PLXNA2: variants seen among roughly 807,000 people sequenced by gnomAD.
The protein encoded by PLXNA2 is plexin A2, also known as plexin-A2.
Under a neutral mutation model 193.5 loss-of-function variants are expected in PLXNA2, and 91 were observed. The observed-to-expected ratio is 0.47, with a 90% confidence interval of 0.40 to 0.56. The LOEUF is 0.56. PLXNA2 is among the 20% of genes least tolerant of loss of function. The pLI, the probability that PLXNA2 is intolerant of heterozygous loss-of-function variation, is 0.00. For missense variants in PLXNA2, 1,995 were observed against 2,503.2 expected (o/e 0.80, Z 4.33); for synonymous variants, 997 against 1,027.3 (o/e 0.97, Z 0.56).
chr1:208,229,898 C>T (rs941206784), intron 1 of PLXNA2, among the ~76,000 whole-genome samples: 2 of 152,304 alleles, frequency 1.3e-5, no homozygotes, highest in African/African-American at 2.4e-5. Flanking sequence ...AGGTCAAACT[C>T]GCAGCGCTGG....
intron 3 of PLXNA2, among the ~76,000 whole-genome samples, chr1:208,195,724 C>T (rs1345294370): frequency 1.3e-5 from 2 of 151,952 alleles, no homozygotes; most frequent in African/African-American, 4.8e-5. Flanking sequence ...CACAGACTGG[C>T]TGCAGCCCAG....
intron 12 of PLXNA2, 92 bp from the exon 13 acceptor site, chr1:208,060,929 C>G: frequency 8.8e-7 from 1 of 1,133,260 alleles, no homozygotes; most frequent in Non-Finnish European, 1.3e-6. Context: ...GTTTAAGAAC[C>G]TCCATAGGTT....
In PLXNA2 at chr1:208,023,121, A is replaced by G. The variant is rs544609168; in HGVS notation, c.*4122T>C. On this transcript the variant is annotated 3_prime_UTR_variant, in exon 32 of 32. Transcript: ENST00000367033. ...AAGGCGTCGGAAGGCCCTGAAGTTC[A>G]TCTCCCAAGTTCCCCGTCGATCTGC... The G allele has an allele frequency of 6.6e-6, 1 of 152,186 alleles. No individual in the cohort carries two copies. Among genetic ancestry groups the G allele is most frequent in the Non-Finnish European group, 1.5e-5 (1 of 68,046 alleles). 9.4% of individuals were successfully genotyped at this position (152,186 alleles called of 1,614,324 possible). A position where few individuals can be genotyped will look rare whatever the true frequency, so the allele number is the denominator to read the frequency against.
intron 3 of PLXNA2, among the ~76,000 whole-genome samples, chr1:208,149,858 C>G (rs1429551652): frequency 6.6e-6 from 1 of 152,174 alleles, no homozygotes; most frequent in African/African-American, 2.4e-5. Flanking sequence ...TACACACACA[C>G]TCTCTCACAT....
chr1:208,229,460 A>G (rs749926557), intron 1 of PLXNA2, among the ~76,000 whole-genome samples: 10 of 152,034 alleles, frequency 6.6e-5, no homozygotes, highest in Non-Finnish European at 1.3e-4. Context: ...AGGTGTGCTC[A>G]TTTGCTTTTT....
intron 22 of PLXNA2, chr1:208,040,357 G>T: frequency 2.5e-6 from 1 of 402,508 alleles, no homozygotes; most frequent in Non-Finnish European, 4.5e-6. Flanking sequence ...GTGGATAAAG[G>T]CACCTCACTA....
chr1:208,193,923 A>G (rs1036119165), intron 3 of PLXNA2, among the ~76,000 whole-genome samples: 5 of 152,124 alleles, frequency 3.3e-5, no homozygotes, highest in African/African-American at 4.8e-5. Flanking sequence ...TGTAAAATAA[A>G]TAACGAAAAA....
chr1:208,027,103 G>GTCC lies in PLXNA2; in HGVS notation c.*137_*139dup. The stretch of plus-strand genomic sequence containing the variant: ...AAACTTGGCTGGCGTAGGGAGAGGA[G>GTCC]TCCTCCCCTCTCCCCAGGATGGGGT... On this transcript the variant is annotated 3_prime_UTR_variant, in exon 32 of 32. Coordinates refer to ENST00000367033, the MANE Select transcript of PLXNA2 (RefSeq NM_025179.4). The GTCC allele has an allele frequency of 1.3e-6, 1 of 760,422 alleles. No individual in the cohort carries two copies. The highest frequency in any genetic ancestry group is 2.2e-6 in the Non-Finnish European group (1 of 461,358). The allele number at this position is 760,422 out of a possible 1,614,324, so 47.1% of individuals were successfully genotyped here. A position where few individuals can be genotyped will look rare whatever the true frequency, so the allele number is the denominator to read the frequency against.
intron 15 of PLXNA2, 46 bp from the exon 16 acceptor site, chr1:208,051,469 C>A (rs1336448465): frequency 6.5e-7 from 1 of 1,546,844 alleles, no homozygotes; most frequent in Non-Finnish European, 8.8e-7. Context: ...GCATGGGCAA[C>A]AAGAGGTGCC....
rs940083895 is a variant in PLXNA2, at chr1:208,074,905, G to A, written c.2586+4355C>T. Among the ~76,000 whole-genome samples, 7 of 152,346 alleles carry A rather than the reference G, an allele frequency of 4.6e-5. No individual in the cohort carries two copies. The South Asian group carries it at 1.2e-3, about 27-fold the overall frequency. On this transcript the variant is annotated intron_variant, in intron 12 of 31. Transcript: ENST00000367033. Reference sequence around the variant, plus strand: ...ACCCATTCTGAAGATGAAGGCTGGGGACAAGGAGGTCTGCATCAAAGGGTA... The same window carrying A: ...ACCCATTCTGAAGATGAAGGCTGGGAACAAGGAGGTCTGCATCAAAGGGTA...
intron 9 of PLXNA2, among the ~76,000 whole-genome samples, chr1:208,090,479 C>G (rs921462599): frequency 3.3e-5 from 5 of 152,164 alleles, no homozygotes; most frequent in African/African-American, 1.2e-4. Flanking sequence ...TGAGAGGGAG[C>G]TGTATTTCAG....
At chr1:208,074,530 G>T (rs186346870) in intron 12 of PLXNA2, among the ~76,000 whole-genome samples, 1 of 152,204 alleles carries the variant, frequency 6.6e-6, no homozygotes, top group Non-Finnish European at 1.5e-5. Context: ...TGTACAACTT[G>T]TTCTACATGA....
intron 3 of PLXNA2, among the ~76,000 whole-genome samples, chr1:208,176,699 CT>C (rs1669672263): frequency 6.6e-6 from 1 of 152,212 alleles, no homozygotes; most frequent in South Asian, 2.1e-4. Context: ...GAACTAAAAG[CT>C]AAAACCTGGC....
rs750345311 is a variant in PLXNA2, at chr1:208,142,358, G to T, written c.1477C>A (p.Arg493Ser). Residue 493 changes from arginine to serine, a missense_variant, in exon 4 of 32, where the codon CGC becomes AGC. Transcript: ENST00000367033. Reference sequence around the variant, plus strand: ...CTCTCAGACATGACGTACAGGTAGCGCTGATCAATGGAGAAGGCCATGTCC... The same window carrying T: ...CTCTCAGACATGACGTACAGGTAGCTCTGATCAATGGAGAAGGCCATGTCC... ...LRDMAFSIDQ[R>S]YLYVMSERQV... 6.2e-7 allele frequency: 1 copy of T among 1,613,320 alleles called. No homozygotes were observed. The highest frequency in any genetic ancestry group is 8.5e-7 in the Non-Finnish European group (1 of 1,179,628).
chr1:208,219,377 G>T (rs1259665951), intron 1 of PLXNA2, among the ~76,000 whole-genome samples: 1 of 152,192 alleles, frequency 6.6e-6, no homozygotes, highest in Non-Finnish European at 1.5e-5. Context: ...CTTATGGAGA[G>T]GGACAGTGGG....
intron 12 of PLXNA2, among the ~76,000 whole-genome samples, chr1:208,062,655 C>A (rs991469765): frequency 6.6e-6 from 1 of 152,126 alleles, no homozygotes; most frequent in Non-Finnish European, 1.5e-5. Context: ...AAAATATCCC[C>A]CTTATGAATA....
rs1016294308 is a variant in PLXNA2 at position 208,025,842 on chromosome 1, G to A, written c.*1401C>T. 1 of 152,448 alleles carries A rather than the reference G, an allele frequency of 6.6e-6. No homozygotes were observed. The highest frequency in any genetic ancestry group is 1.5e-5 in the Non-Finnish European group (1 of 68,046). The allele number at this position is 152,448 out of a possible 1,614,324, so 9.4% of individuals were successfully genotyped here. A position where few individuals can be genotyped will look rare whatever the true frequency, so the allele number is the denominator to read the frequency against. On this transcript the variant is annotated 3_prime_UTR_variant, in exon 32 of 32. Transcript: ENST00000367033. ...AAGTCCAGTGAGAAGTCATCCACTT[G>A]TCCTTCACACTCACAAGTCCGTGAG...
At chr1:208,241,680 C>T (rs1297212951) in intron 1 of PLXNA2, among the ~76,000 whole-genome samples, 1 of 152,240 alleles carries the variant, frequency 6.6e-6, no homozygotes. Context: ...AGTTTGCCCC[C>T]ATCCTAATGC....
Position 208,054,493 on chromosome 1 carries a change from C to A in PLXNA2, c.2784G>T (p.Gly928=). 1 of 1,614,256 alleles carries A rather than the reference C, an allele frequency of 6.2e-7. No homozygotes were observed. Among genetic ancestry groups the A allele is most frequent in the Non-Finnish European group, 8.5e-7 (1 of 1,180,038 alleles). ...MGHALVGTTS[G]PVRLCIGECK... is the part of the protein sequence containing the mutation. ...ACTCGCCAATACACAGGCGTACTGG[C>A]CCGGAGGTGGTTCCCACGAGGGCAT... The change falls in exon 14 of 32, where the codon GGG becomes GGT. Residue 928 remains glycine (G), a synonymous_variant. Coordinates refer to ENST00000367033, the MANE Select transcript of PLXNA2 (RefSeq NM_025179.4).
Sources: gnomAD v4.1 joint callset for allele counts (sites outside exome capture counted in the v4.1 genomes callset) on GRCh38, gnomAD v4.1.1 for gene constraint, MANE v1.5 for transcripts, NCBI Gene and HGNC (gene_info 2026-07-23, HGNC 2026-07-21) for gene names.